The following LCORL variants were observed in gnomAD, a reference collection of about 807,000 sequenced individuals.
LCORL encodes ligand dependent nuclear receptor corepressor like.
A neutral mutation model predicts 141.8 loss-of-function variants in LCORL; 41 were observed. The observed-to-expected ratio is 0.29, with a 90% CI of 0.23 to 0.38. The LOEUF (loss-of-function observed/expected upper bound fraction) is 0.38. LCORL is among the 10% of genes least tolerant of loss of function. The pLI, the probability that LCORL is intolerant of heterozygous loss-of-function variation, is 1.00. For synonymous variants in LCORL, 618 were observed against 694.1 expected, an observed-to-expected ratio of 0.89 and a Z score of 1.72; for missense variants, 1,759 against 2,035.0, an observed-to-expected ratio of 0.86 and a Z score of 2.61.
exon 8 of LCORL, chr4:17,842,181 C>A: frequency 1.5e-6 from 1 of 688,856 alleles, no homozygotes; most frequent in Non-Finnish European, 2.5e-6. Flanking sequence ...ATGGCTAGAA[C>A]AAGTAGGAGA....
intron 1 of LCORL, among the ~76,000 whole-genome samples, chr4:17,993,184 T>A (rs1455322930): frequency 2.0e-5 from 3 of 152,146 alleles, no homozygotes; most frequent in East Asian, 3.9e-4. Context: ...ATACAGTAGC[T>A]GAGAATATTT....
At chr4:17,957,568 G>A (rs1020000982) in intron 4 of LCORL, among the ~76,000 whole-genome samples, 2 of 151,884 alleles carry the variant, frequency 1.3e-5, no homozygotes, top group Non-Finnish European at 2.9e-5. Flanking sequence ...GGGTGATGAT[G>A]GGATGAACTG....
chr4:17,884,583 G>T lies in LCORL; in HGVS notation c.776+1485C>A. On this transcript the variant is annotated intron_variant, in intron 6 of 7. Coordinates refer to ENST00000635767, the Ensembl canonical transcript of LCORL. The surrounding 1 kb of genome is among the most constrained non-coding windows in gnomAD (Gnocchi z 4.4). ...TTAAAAGATGCAGGCTTCCCTGCTG[G>T]TAAGGCTTCTAAGTGAAGAAGTAAA... The T allele has an allele frequency of 6.5e-7, 1 of 1,541,796 alleles. No homozygotes were observed. Among genetic ancestry groups the T allele is most frequent in the Non-Finnish European group, 8.7e-7 (1 of 1,143,970 alleles).
chr4:17,873,741 T>C lies in LCORL; in HGVS notation c.5249A>G (p.Tyr1750Cys), dbSNP rs1227276844. 11 of 1,233,826 alleles carry C rather than the reference T, an allele frequency of 8.9e-6. No homozygotes were observed. In the East Asian group the frequency reaches 1.9e-4, roughly 21 times the overall value. 76.4% of individuals were successfully genotyped at this position (1,233,826 alleles called of 1,614,324 possible). Reference sequence around the variant, plus strand: ...TCCACTGTCAGTAGATTCAGGAGAGTAAATGATTGTATTTAGCTTAAAAGT... The same window carrying C: ...TCCACTGTCAGTAGATTCAGGAGAGCAAATGATTGTATTTAGCTTAAAAGT... Residue 1750 changes from tyrosine to cysteine, a missense_variant, in exon 7 of 8, where the codon TAC becomes TGC. Transcript: ENST00000635767.
intron 1 of LCORL, among the ~76,000 whole-genome samples, chr4:17,976,611 AG>A (rs1195661974): frequency 2.0e-5 from 3 of 152,200 alleles, no homozygotes; most frequent in African/African-American, 7.2e-5. Context: ...AACATTAGAA[AG>A]TCTTTTAAAT....
intron 5 of LCORL, among the ~76,000 whole-genome samples, chr4:17,900,552 G>C (rs1730708626): frequency 6.6e-6 from 1 of 152,036 alleles, no homozygotes. Context: ...ATCTTGCTTA[G>C]TGATTCTTTT....
intron 1 of LCORL, among the ~76,000 whole-genome samples, chr4:18,008,984 T>C (rs1203876354): frequency 6.6e-6 from 1 of 152,110 alleles, no homozygotes; most frequent in Non-Finnish European, 1.5e-5. Flanking sequence ...ATTCCTAGTA[T>C]TTCCCAATTC....
intron 1 of LCORL, among the ~76,000 whole-genome samples, chr4:17,982,099 C>CGTGTGT (rs57094203): frequency 0.044 from 5,972 of 136,488 alleles, 156 homozygotes; most frequent in African/African-American, 0.072. Flanking sequence ...AGTATTCCAT[C>CGTGTGT]GTGTGTGTGT....
intron 4 of LCORL, among the ~76,000 whole-genome samples, chr4:17,925,195 TAC>T (rs1210519433): frequency 6.6e-6 from 1 of 152,182 alleles, no homozygotes; most frequent in South Asian, 2.1e-4. Context: ...AGAAGGGAGT[TAC>T]AGTGTTGGCT....
At chr4:17,974,222 C>T (rs1716512993) in intron 1 of LCORL, among the ~76,000 whole-genome samples, 1 of 152,094 alleles carries the variant, frequency 6.6e-6, no homozygotes, top group Non-Finnish European at 1.5e-5. Flanking sequence ...GTTCCTAAGA[C>T]TGATCAAAAG....
intron 4 of LCORL, among the ~76,000 whole-genome samples, chr4:17,957,212 G>C (rs1201072486): frequency 6.6e-6 from 1 of 151,990 alleles, no homozygotes. Flanking sequence ...CAAAAATGTA[G>C]ATGGAATACT....
intron 7 of LCORL, among the ~76,000 whole-genome samples, chr4:17,853,326 T>C (rs1205770347): frequency 6.6e-6 from 1 of 152,128 alleles, no homozygotes; most frequent in Non-Finnish European, 1.5e-5. Flanking sequence ...AACAGAAAGA[T>C]ATGCCTAAGG....
Position 17,892,916 on chromosome 4 carries a change from T to C in LCORL, c.683-6755A>G, listed in dbSNP as rs1390739967. Among the ~76,000 whole-genome samples, 3 of 152,216 alleles carry C rather than the reference T, an allele frequency of 2.0e-5. 1 individual carries two copies. In the South Asian group the frequency reaches 6.2e-4, roughly 32 times the overall value. ...TTCTGTAAAAAGTTTTAGCCAAATATATTATTTAAAACATGGTTTGTATAC... is the reference window on the plus strand; with the variant it reads ...TTCTGTAAAAAGTTTTAGCCAAATACATTATTTAAAACATGGTTTGTATAC... On this transcript the variant is annotated intron_variant, in intron 5 of 7. Transcript: ENST00000635767.
intron 5 of LCORL, among the ~76,000 whole-genome samples, chr4:17,890,884 T>C (rs1728975751): frequency 6.6e-6 from 1 of 152,108 alleles, no homozygotes; most frequent in Non-Finnish European, 1.5e-5. Context: ...TTCTTTCCTG[T>C]ATTGTCATGC....
At chr4:17,890,828 G>GTTAC (rs71651865) in intron 5 of LCORL, among the ~76,000 whole-genome samples, 1 of 151,760 alleles carries the variant, frequency 6.6e-6, no homozygotes, top group African/African-American at 2.4e-5. Context: ...ACTTTATTGG[G>GTTAC]TTTTTAGTTA....
At chr4:17,897,577 G>C (rs1182867692) in intron 5 of LCORL, among the ~76,000 whole-genome samples, 1 of 152,084 alleles carries the variant, frequency 6.6e-6, no homozygotes, top group Non-Finnish European at 1.5e-5. Flanking sequence ...GTAAAGAACT[G>C]GTGTGGTGTG....
chr4:17,883,627 T>C, intron 6 of LCORL: 1 of 1,428,364 alleles, frequency 7.0e-7, no homozygotes, highest in Non-Finnish European at 9.2e-7. Flanking sequence ...CCCACGTGTG[T>C]ATATAGACAC....
At chr4:17,946,396 A>G (rs1397808309) in intron 4 of LCORL, among the ~76,000 whole-genome samples, 2 of 152,024 alleles carry the variant, frequency 1.3e-5, no homozygotes, top group Admixed American at 1.3e-4. Context: ...CAGTTTTTTA[A>G]AAAAGATTTC....
intron 4 of LCORL, among the ~76,000 whole-genome samples, chr4:17,933,378 C>A (rs569858958): frequency 6.6e-6 from 1 of 151,970 alleles, no homozygotes; most frequent in African/African-American, 2.4e-5. Flanking sequence ...TACCTTTTTA[C>A]CATTTTATTT....
Sources: gnomAD v4.1 joint callset for allele counts (sites outside exome capture counted in the v4.1 genomes callset) on GRCh38, gnomAD v4.1.1 for gene constraint, Gnocchi (gnomAD v3.1) non-coding constraint, MANE v1.5 for transcripts, NCBI Gene and HGNC (gene_info 2026-07-23, HGNC 2026-07-21) for gene names.